RCC1L: variants seen among roughly 807,000 people sequenced by gnomAD.
RCC1L encodes the protein RCC1 like.
In RCC1L, 46 loss-of-function variants were observed where a neutral mutation model predicts 58.6. That is an observed-to-expected ratio of 0.79 (90% CI 0.62 to 1.00). The LOEUF is 1.00. RCC1L is among the 50% of genes least tolerant of loss of function. The pLI, the probability that RCC1L is intolerant of heterozygous loss-of-function variation, is 0.00. For synonymous variants in RCC1L, 281 were observed against 262.9 expected, an observed-to-expected ratio of 1.07 and a Z score of -0.67; for missense variants, 636 against 623.6, an observed-to-expected ratio of 1.02 and a Z score of -0.21.
At position 75,027,990 on chromosome 7, in the gene RCC1L, A is replaced by G. The variant is rs1026965234; in HGVS notation, c.*42T>C. 6.5e-6 allele frequency: 10 copies of G among 1,531,644 alleles called. No individual in the cohort carries two copies. The East Asian group carries it at 7.3e-5, about 11-fold the overall frequency. 94.9% of individuals were successfully genotyped at this position (1,531,644 alleles called of 1,614,324 possible). ...TCAGAGGGGCTCCATCCGCAGTTGC[A>G]TGGAACTCCTTACCTGTTTGCCGTC... On this transcript the variant is annotated 3_prime_UTR_variant, in exon 11 of 11. Transcript: ENST00000614461.
chr7:75,032,115 A>G (rs1027872712), intron 10 of RCC1L, among the ~76,000 whole-genome samples: 51 of 152,330 alleles, frequency 3.3e-4, no homozygotes, highest in African/African-American at 1.2e-3. Flanking sequence ...AGGGAACTAC[A>G]TAAGTGGGTG....
At chr7:75,062,160 T>TA (rs587729325) in intron 5 of RCC1L, among the ~76,000 whole-genome samples, 95,528 of 150,828 alleles carry the variant, frequency 0.63, 32,808 homozygotes, top group East Asian at 0.89. Context: ...TGCACTAAAA[T>TA]AAAAAAAAAG....
chr7:75,033,071 CAAAAAAAAAA>C (rs71098024), intron 10 of RCC1L, among the ~76,000 whole-genome samples: 2 of 70,154 alleles, frequency 2.9e-5, no homozygotes, highest in Admixed American at 1.8e-4. Flanking sequence ...GACTTTGTCT[CAAAAAAAAAA>C]AAAAAAAAAA....
chr7:75,064,797 G>T, intron 3 of RCC1L, 149 bp from the exon 4 acceptor site: 1 of 844,518 alleles, frequency 1.2e-6, no homozygotes, highest in Non-Finnish European at 2.0e-6. Context: ...AACTTTCTCA[G>T]GCTCTGCAGA....
chr7:75,066,624 T>TC, intron 3 of RCC1L, 40 bp downstream of exon 3: 1 of 1,606,862 alleles, frequency 6.2e-7, no homozygotes, highest in Non-Finnish European at 8.5e-7. Context: ...AGTGAAATGG[T>TC]CCCTGCACTC....
At chr7:75,037,022 G>C (rs1449285332) in intron 10 of RCC1L, among the ~76,000 whole-genome samples, 1 of 152,132 alleles carries the variant, frequency 6.6e-6, no homozygotes. Context: ...GAACTCAAAC[G>C]GGGCATCCTT....
At chr7:75,055,872 C>T (rs587717108) in intron 9 of RCC1L, 29 bp downstream of exon 9, 1 of 1,613,858 alleles carries the variant, frequency 6.2e-7, no homozygotes, top group Admixed American at 1.7e-5. Flanking sequence ...GCTGGGCTCA[C>T]ACCAGGGCCA....
At chr7:75,063,792 C>T (rs1167764723) in intron 4 of RCC1L, among the ~76,000 whole-genome samples, 3 of 151,954 alleles carry the variant, frequency 2.0e-5, no homozygotes, top group South Asian at 2.1e-4. Context: ...CGGTGGCGGA[C>T]GCCTGTAATC....
chr7:75,053,699 A>T (rs1302324938), intron 9 of RCC1L, among the ~76,000 whole-genome samples: 5 of 152,224 alleles, frequency 3.3e-5, no homozygotes, highest in Non-Finnish European at 7.3e-5. Context: ...TGTCTGCACC[A>T]GCTGGGGCAC....
chr7:75,066,593 T>G (rs1420057376), intron 3 of RCC1L, 71 bp downstream of exon 3: 1 of 1,599,698 alleles, frequency 6.3e-7, no homozygotes, highest in Middle Eastern at 2.2e-4. Flanking sequence ...CACTCAGGCC[T>G]GATTTGAGGC....
intron 10 of RCC1L, among the ~76,000 whole-genome samples, chr7:75,033,882 T>A (rs1368252099): frequency 5.9e-5 from 9 of 151,824 alleles, no homozygotes; most frequent in South Asian, 2.1e-4. Context: ...TTAAAAAAAA[T>A]TAAATTAAAA....
chr7:75,053,452 T>C (rs1020007419), intron 9 of RCC1L, among the ~76,000 whole-genome samples: 6 of 152,166 alleles, frequency 3.9e-5, no homozygotes, highest in Non-Finnish European at 7.4e-5. Flanking sequence ...ATTCCTGGAT[T>C]GATTGTCCAT....
At chr7:75,044,656 C>G (rs587647277) in intron 10 of RCC1L, among the ~76,000 whole-genome samples, 9,730 of 150,726 alleles carry the variant, frequency 0.065, 429 homozygotes, top group Middle Eastern at 0.24. Context: ...ACCAGCTGCC[C>G]CAGTCCCCAT....
intron 8 of RCC1L, 142 bp downstream of exon 8, chr7:75,057,387 G>T: frequency 1.3e-6 from 1 of 763,466 alleles, no homozygotes; most frequent in Non-Finnish European, 2.3e-6. Flanking sequence ...AAAGTGCTGG[G>T]ATTACAGATG....
At chr7:75,038,363 C>T (rs1160650874), downstream of RCC1L, among the ~76,000 whole-genome samples, 5 of 151,796 alleles carry the variant, frequency 3.3e-5, no homozygotes, top group African/African-American at 4.8e-5. Flanking sequence ...GCAATTCTCC[C>T]GCCTCAGCCT....
chr7:75,061,315 G>A, intron 5 of RCC1L, 24 bp from the exon 6 acceptor site: 3 of 1,606,590 alleles, frequency 1.9e-6, no homozygotes, highest in Non-Finnish European at 2.6e-6. Context: ...AGAGGTAAGG[G>A]GGATGAGAGG....
At position 75,066,685 on chromosome 7, in the gene RCC1L, CAA is replaced by C; in HGVS notation, c.560_561del (p.Leu187ArgfsTer4). 1 of 1,613,056 alleles carries C rather than the reference CAA, an allele frequency of 6.2e-7. No individual in the cohort carries two copies. The highest frequency in any genetic ancestry group is 2.2e-5 in the East Asian group (1 of 44,828). On this transcript the variant is annotated frameshift_variant, in exon 3 of 11. Transcript: ENST00000610322. LOFTEE classifies it high-confidence loss of function. ...TCACCTCCTTCCCTGTCAGTCAACA[CAA>C]GAGAGTGAGCTCGGCCGCAGGAGAC... ...LQVSCGRAHS[L>X]VLTDREGVFS... is the part of the protein sequence containing the mutation.
chr7:75,055,269 G>T (rs1327893327), intron 9 of RCC1L, among the ~76,000 whole-genome samples: 1 of 152,188 alleles, frequency 6.6e-6, no homozygotes, highest in Non-Finnish European at 1.5e-5. Flanking sequence ...CTGTGGTGGA[G>T]TAAGAGATGT....
At chr7:75,041,639 G>A (rs587692362), downstream of RCC1L, among the ~76,000 whole-genome samples, 12 of 151,918 alleles carry the variant, frequency 7.9e-5, no homozygotes, top group South Asian at 4.2e-4. Flanking sequence ...CAGGCAGATC[G>A]TCTGAGGTCA....
Sources: allele counts gnomAD v4.1 joint callset (sites outside exome capture counted in the v4.1 genomes callset), GRCh38; gene constraint gnomAD v4.1.1; transcripts MANE v1.5; gene names NCBI Gene and HGNC (gene_info 2026-07-23, HGNC 2026-07-21).